ABCB10: variants seen among roughly 807,000 people sequenced by gnomAD.
The protein encoded by ABCB10 is ATP binding cassette subfamily B member 10.
In ABCB10, 54 loss-of-function variants were observed where a neutral mutation model predicts 65.4. That is an observed-to-expected ratio of 0.83 (90% confidence interval 0.66 to 1.04). ABCB10 has a LOEUF of 1.04. ABCB10 is among the 50% of genes least tolerant of loss of function. The probability of loss-of-function intolerance (pLI) is 0.00; values close to 1 mark genes in which losing one functional copy is unlikely to be tolerated. For synonymous variants in ABCB10, 418 were observed against 406.5 expected, an observed-to-expected ratio of 1.03 and a Z score of -0.34; for missense variants, 846 against 976.6, an observed-to-expected ratio of 0.87 and a Z score of 1.78.
At chr1:229,540,565 A>C in intron 5 of ABCB10, 41 bp downstream of exon 5, 1 of 1,568,840 alleles carries the variant, frequency 6.4e-7, no homozygotes, top group South Asian at 1.2e-5. Context: ...TCACCATTCT[A>C]ACATTTGCCA....
At chr1:229,531,928 C>A in intron 6 of ABCB10, 197 bp from the exon 7 acceptor site, 1 of 385,322 alleles carries the variant, frequency 2.6e-6, no homozygotes, top group Non-Finnish European at 4.6e-6. Flanking sequence ...CCTTTGGCTT[C>A]TCCTCCTCCA....
At chr1:229,522,720 T>A (rs1662346116) in intron 10 of ABCB10, among the ~76,000 whole-genome samples, 1 of 152,214 alleles carries the variant, frequency 6.6e-6, no homozygotes. Flanking sequence ...CCTAGCAGAA[T>A]ATCCAATGTA....
At chr1:229,521,760 G>C in intron 10 of ABCB10, 125 bp from the exon 11 acceptor site, 2 of 848,524 alleles carry the variant, frequency 2.4e-6, no homozygotes, top group Non-Finnish European at 3.7e-6. Flanking sequence ...GACACAGATA[G>C]ACCAGAAACC....
intron 3 of ABCB10, among the ~76,000 whole-genome samples, chr1:229,547,226 C>A (rs1423257429): frequency 6.6e-6 from 1 of 152,198 alleles, no homozygotes. Context: ...TCTTTTCTGC[C>A]TTAATACCCC....
Position 229,517,228 on chromosome 1 carries a change from C to T in ABCB10, c.*951G>A, listed in dbSNP as rs1406792266. On this transcript the variant is annotated 3_prime_UTR_variant, in exon 13 of 13. Transcript: ENST00000344517. ...TTGTTATTCTGTTGAATAGCAAGGA[C>T]TTCCAAACTTAAATGTCTTAAGGCT... 1.3e-5 allele frequency: 2 copies of T among 152,162 alleles called. No homozygotes were observed. The highest frequency in any genetic ancestry group is 2.9e-5 in the Non-Finnish European group (2 of 68,016). 9.4% of individuals were successfully genotyped at this position (152,162 alleles called of 1,614,324 possible).
At chr1:229,532,652 G>A (rs1164183301) in intron 6 of ABCB10, among the ~76,000 whole-genome samples, 3 of 151,476 alleles carry the variant, frequency 2.0e-5, no homozygotes, top group African/African-American at 4.8e-5. Flanking sequence ...AGGCCAAGGT[G>A]GGAGGATTGC....
At chr1:229,541,850 G>A (rs1662853494) in intron 4 of ABCB10, among the ~76,000 whole-genome samples, 1 of 151,014 alleles carries the variant, frequency 6.6e-6, no homozygotes, top group Non-Finnish European at 1.5e-5. Context: ...TGAGGTGGGA[G>A]ATCACTCGAG....
In ABCB10 at chr1:229,531,774, C is replaced by T. The variant is rs552549207; in HGVS notation, c.1340-43G>A. 4.5e-5 allele frequency: 67 copies of T among 1,472,872 alleles called. 1 individual carries two copies. The South Asian group carries it at 7.2e-4, about 16-fold the overall frequency. 91.2% of individuals were successfully genotyped at this position (1,472,872 alleles called of 1,614,324 possible). ...AATCCACACACATGTCCATCACTGG[C>T]ACTGGCACTGGCCACCACTCCTCTG... On this transcript the variant is annotated intron_variant, in intron 6 of 12. Transcript: ENST00000344517.
Position 229,539,528 on chromosome 1 carries a change from TG to T in ABCB10, c.1266del (p.Ser423ValfsTer4). 1.2e-6 allele frequency: 2 copies of T among 1,614,080 alleles called. No individual in the cohort carries two copies. Among genetic ancestry groups the T allele is most frequent in the Non-Finnish European group, 1.7e-6 (2 of 1,179,966 alleles). On this transcript the variant is annotated frameshift_variant, in exon 6 of 13. Coordinates refer to ENST00000344517, the MANE Select transcript of ABCB10 (RefSeq NM_012089.3). LOFTEE classifies it high-confidence loss of function. ...AGTTCACCCACGGTCATGTGGGCAC[TG>T]CCCATCAGCAGCCCTCCTTTGTACA... ...SVLYKGGLLM[G>X]SAHMTVGELS...
intron 1 of ABCB10, among the ~76,000 whole-genome samples, chr1:229,557,173 CT>C (rs1474638335): frequency 6.6e-6 from 1 of 152,202 alleles, no homozygotes; most frequent in Non-Finnish European, 1.5e-5. Context: ...AGGGTCCTTT[CT>C]AAAGCAATGG....
chr1:229,530,479 TA>T (rs1403796727), intron 7 of ABCB10, 71 bp from the exon 8 acceptor site: 20 of 1,522,280 alleles, frequency 1.3e-5, no homozygotes, highest in Non-Finnish European at 1.8e-5. Context: ...TCGGTTCTCC[TA>T]CTCATCTGGC....
intron 4 of ABCB10, among the ~76,000 whole-genome samples, chr1:229,541,922 T>G (rs1662856512): frequency 7.1e-6 from 1 of 140,550 alleles, no homozygotes; most frequent in African/African-American, 2.7e-5. Flanking sequence ...CTAGAGTGCA[T>G]GAAAAAACTT....
chr1:229,541,383 C>A (rs1285260731), intron 4 of ABCB10, among the ~76,000 whole-genome samples: 1 of 152,086 alleles, frequency 6.6e-6, no homozygotes, highest in East Asian at 1.9e-4. Flanking sequence ...CAAACCAGCA[C>A]GCCCAGCTAA....
At chr1:229,520,417 G>A (rs750108836) in intron 11 of ABCB10, among the ~76,000 whole-genome samples, 1 of 146,222 alleles carries the variant, frequency 6.8e-6, no homozygotes, top group Non-Finnish European at 1.5e-5. Flanking sequence ...TTTGCAATGC[G>A]CTGAGATCGA....
At chr1:229,547,847 C>T in intron 2 of ABCB10, 146 bp from the exon 3 acceptor site, 1 of 717,018 alleles carries the variant, frequency 1.4e-6, no homozygotes, top group Non-Finnish European at 2.4e-6. Flanking sequence ...GCACTGTATC[C>T]CATGGGTGGA....
intron 6 of ABCB10, chr1:229,531,950 T>G (rs1214837710): frequency 3.5e-6 from 1 of 286,722 alleles, no homozygotes; most frequent in South Asian, 7.8e-5. Context: ...TTTCATAGTT[T>G]TTTTTTTTTT....
chr1:229,521,594 T>G lies in ABCB10; in HGVS notation c.1948A>C (p.Lys650Gln). 2 of 1,608,638 alleles carry G rather than the reference T, an allele frequency of 1.2e-6. No individual in the cohort carries two copies. The highest frequency in any genetic ancestry group is 1.1e-5 in the South Asian group (1 of 90,088). Residue 650 changes from lysine (K) to glutamine (Q), a missense_variant and splice_region_variant, in exon 11 of 13, where the codon AAG becomes CAG. Physicochemically the swap from Lys to Gln is moderately conservative, Grantham distance 53 (BLOSUM62 1). This residue lies in a region of ABCB10 where 632 missense variants were observed against 803.2 expected (regional missense o/e 0.79). Coordinates refer to ENST00000344517, the MANE Select transcript of ABCB10 (RefSeq NM_012089.3). ...CATCCAAGTCGCTTCAGGCTTACCT[T>G]TAGCAGAGCACGGGCAATCGCAATC... is the stretch of plus-strand genomic sequence containing the variant. Reference protein sequence around the residue: ...QRIAIARALLKNPKILLLDEA... With the variant: ...QRIAIARALLQNPKILLLDEA...
At chr1:229,524,692 G>A (rs920459649) in intron 10 of ABCB10, among the ~76,000 whole-genome samples, 7 of 152,152 alleles carry the variant, frequency 4.6e-5, no homozygotes, top group Non-Finnish European at 7.3e-5. Context: ...TCACAGCCGT[G>A]AGTCTATTCA....
At chr1:229,523,582 T>C (rs976587303) in intron 10 of ABCB10, among the ~76,000 whole-genome samples, 1 of 152,104 alleles carries the variant, frequency 6.6e-6, no homozygotes, top group Admixed American at 6.5e-5. Context: ...TGCCCTGAGG[T>C]AGGTCCTTAG....
Sources: allele counts gnomAD v4.1 joint callset (sites outside exome capture counted in the v4.1 genomes callset), GRCh38; gene constraint gnomAD v4.1.1; regional missense constraint gnomAD v4.1.1; transcripts MANE v1.5; gene names NCBI Gene and HGNC (gene_info 2026-07-23, HGNC 2026-07-21).